The following AHRR variants were observed in gnomAD, a reference collection of about 807,000 sequenced individuals.
The protein encoded by AHRR is ahR repressor.
AHRR carries 28 observed loss-of-function variants against 44.0 expected under a neutral mutation model. The observed-to-expected ratio is 0.64, with a 90% CI of 0.47 to 0.87. The LOEUF (loss-of-function observed/expected upper bound fraction) is 0.87. AHRR is among the 40% of genes least tolerant of loss of function. The probability of loss-of-function intolerance (pLI) is 0.00; values close to 1 mark genes in which losing one functional copy is unlikely to be tolerated. For synonymous variants in AHRR, 434 were observed against 407.0 expected (o/e 1.07, Z -0.80); for missense variants, 990 against 953.9 (o/e 1.04, Z -0.50).
intron 5 of AHRR, chr5:418,936 T>TG: frequency 6.6e-6 from 1 of 152,466 alleles, no homozygotes; most frequent in East Asian, 1.9e-4. Context: ...ACCGCCTGAC[T>TG]GGGGGCACCA....
rs1322059054 is a variant in AHRR at position 393,497 on chromosome 5, G to A, written c.351+16781G>A. 3.3e-5 allele frequency among the ~76,000 whole-genome samples: 5 copies of A among 152,346 alleles called. No homozygotes were observed. In the East Asian group the frequency reaches 9.6e-4, roughly 29 times the overall value. On this transcript the variant is annotated intron_variant, in intron 4 of 10. Transcript: ENST00000684583. ...TGCGTGGACGGTAGCCAGGCTGCAC[G>A]CAGAGCTCCAGGCTGAAGCCTGTCC...
Position 385,461 on chromosome 5 carries a change from C to T in AHRR, c.351+8745C>T, listed in dbSNP as rs114422373. The stretch of plus-strand genomic sequence containing the variant: ...AAGTGCTAGGATTACAGGTATAAAC[C>T]ACCATGCCCAGCTTCGCCTCCATTT... On this transcript the variant is annotated intron_variant, in intron 4 of 10. Coordinates refer to ENST00000684583, the MANE Select transcript of AHRR (RefSeq NM_001377236.1). Among the ~76,000 whole-genome samples, 269 of 152,300 alleles carry T rather than the reference C, an allele frequency of 1.8e-3. 1 individual carries two copies. Among genetic ancestry groups the T allele is most frequent in the African/African-American group, 6.1e-3 (254 of 41,568 alleles).
At position 433,974 on chromosome 5, in the gene AHRR, G is replaced by C; in HGVS notation, c.1234G>C (p.Ala412Pro). The stretch of plus-strand genomic sequence containing the variant: ...AGCGGGAAAGCACAGTGAGGATGGT[G>C]CCAGGCCGAGGCTGCAGCCCAGCAA... ...WTAGKHSEDGARPRLQPSKND... is the reference protein window; with the variant it reads ...WTAGKHSEDGPRPRLQPSKND... Residue 412 changes from alanine (A) to proline (P), a missense_variant, in exon 11 of 11, where the codon GCC becomes CCC. Transcript: ENST00000684583. The C allele has an allele frequency of 6.4e-7, 1 of 1,567,274 alleles. No homozygotes were observed. The highest frequency in any genetic ancestry group is 8.6e-7 in the Non-Finnish European group (1 of 1,156,676).
At chr5:430,329 C>T (rs1227771335) in intron 8 of AHRR, among the ~76,000 whole-genome samples, 1 of 152,250 alleles carries the variant, frequency 6.6e-6, no homozygotes, top group Non-Finnish European at 1.5e-5. Flanking sequence ...GGCAGCACAT[C>T]TTCTGTATTC....
intron 4 of AHRR, among the ~76,000 whole-genome samples, chr5:399,684 T>C (rs1734927394): frequency 6.6e-6 from 1 of 152,186 alleles, no homozygotes; most frequent in Non-Finnish European, 1.5e-5. Flanking sequence ...GCGTCAGCAC[T>C]GGCTGGTCTC....
chr5:425,133 C>T (rs1736325272), intron 7 of AHRR, among the ~76,000 whole-genome samples: 1 of 152,244 alleles, frequency 6.6e-6, no homozygotes. Flanking sequence ...CCATGACCTC[C>T]TGGGGACCTT....
chr5:413,898 C>T (rs1735581941), intron 5 of AHRR, among the ~76,000 whole-genome samples: 1 of 152,200 alleles, frequency 6.6e-6, no homozygotes, highest in South Asian at 2.1e-4. Context: ...GACTTCCAGG[C>T]AGAGAATGGG....
At chr5:384,548 C>T (rs368177692) in intron 4 of AHRR, among the ~76,000 whole-genome samples, 16 of 152,134 alleles carry the variant, frequency 1.1e-4, no homozygotes, top group African/African-American at 2.9e-4. Flanking sequence ...CTCAGTCTCC[C>T]GAGTGGCTGG....
chr5:423,222 C>T (rs1471657689), intron 6 of AHRR, among the ~76,000 whole-genome samples: 1 of 152,220 alleles, frequency 6.6e-6, no homozygotes, highest in Non-Finnish European at 1.5e-5. Context: ...TTGCTTCATA[C>T]TAGAGTTATC....
At position 388,950 on chromosome 5, in the gene AHRR, C is replaced by T. The variant is rs955391832; in HGVS notation, c.351+12234C>T. Among the ~76,000 whole-genome samples, 2 of 152,116 alleles carry T rather than the reference C, an allele frequency of 1.3e-5. No homozygotes were observed. The highest frequency in any genetic ancestry group is 2.9e-5 in the Non-Finnish European group (2 of 68,014). ...GAGAAGATGGAGCCGAGTGAGGACC[C>T]AAGAGCAAAGGGCCCCAAGCAGTTG... On this transcript the variant is annotated intron_variant, in intron 4 of 10. Coordinates refer to ENST00000684583, the MANE Select transcript of AHRR (RefSeq NM_001377236.1). The surrounding 1 kb of genome is among the most constrained non-coding windows in gnomAD (Gnocchi z 5.2).
intron 3 of AHRR, among the ~76,000 whole-genome samples, chr5:374,504 C>T (rs952978357): frequency 6.6e-6 from 1 of 152,224 alleles, no homozygotes; most frequent in African/African-American, 2.4e-5. Flanking sequence ...GATGCCCCCA[C>T]CTCGGTGGAC....
intron 3 of AHRR, among the ~76,000 whole-genome samples, chr5:375,875 C>T (rs79659360): frequency 1.2e-3 from 180 of 152,312 alleles, no homozygotes; most frequent in African/African-American, 3.9e-3. Context: ...GGAAGGTGAA[C>T]GTGTCATCTG....
chr5:431,233 G>A lies in AHRR; in HGVS notation c.909-1230G>A, dbSNP rs533286837. On this transcript the variant is annotated intron_variant, in intron 8 of 10. Coordinates refer to ENST00000684583, the MANE Select transcript of AHRR (RefSeq NM_001377236.1). ...TGTGGGATCACAAGCTCAGGTGTGG[G>A]GCCGAAGGTCACAGCGCTCCTCCTG... Among the ~76,000 whole-genome samples, 5 of 152,348 alleles carry A rather than the reference G, an allele frequency of 3.3e-5. No individual in the cohort carries two copies. The South Asian group carries it at 1.0e-3, about 32-fold the overall frequency.
At chr5:365,625 A>G (rs988474938) in intron 3 of AHRR, among the ~76,000 whole-genome samples, 3 of 152,138 alleles carry the variant, frequency 2.0e-5, no homozygotes, top group Non-Finnish European at 2.9e-5. Flanking sequence ...AGAAACATAC[A>G]ACAGAGTTCT....
chr5:361,000 C>T (rs1743159316), intron 3 of AHRR, among the ~76,000 whole-genome samples: 1 of 152,100 alleles, frequency 6.6e-6, no homozygotes, highest in East Asian at 1.9e-4. Context: ...ACCTGTAATA[C>T]CAGCACTTTG....
chr5:330,451 G>A (rs1579584540), intron 1 of AHRR, among the ~76,000 whole-genome samples: 1 of 152,246 alleles, frequency 6.6e-6, no homozygotes, highest in East Asian at 1.9e-4. Context: ...TTGGCTCACT[G>A]TAACCTCTGC....
At chr5:421,539 C>T (rs1305797174) in intron 5 of AHRR, among the ~76,000 whole-genome samples, 3 of 152,206 alleles carry the variant, frequency 2.0e-5, no homozygotes, top group African/African-American at 4.8e-5. Context: ...CGCATTTTGG[C>T]CTAGGTTACC....
intron 2 of AHRR, among the ~76,000 whole-genome samples, chr5:349,530 A>G (rs990696325): frequency 5.9e-5 from 9 of 151,992 alleles, no homozygotes; most frequent in Non-Finnish European, 8.8e-5. Context: ...CAGTGAGCCA[A>G]GATCACGCCA....
At position 435,876 on chromosome 5, in the gene AHRR, T is replaced by G. The variant is rs1311028135; in HGVS notation, c.*1042T>G. The G allele has an allele frequency of 2.6e-5, 4 of 152,762 alleles. No homozygotes were observed. The highest frequency in any genetic ancestry group is 9.7e-5 in the African/African-American group (4 of 41,444). 9.5% of individuals were successfully genotyped at this position (152,762 alleles called of 1,614,324 possible). ...CGATATTTTCTGAGAGTAGGAAATT[T>G]GGATACAAAAGCATAAGTCAGAAAG... On this transcript the variant is annotated 3_prime_UTR_variant, in exon 11 of 11. Coordinates refer to ENST00000684583, the MANE Select transcript of AHRR (RefSeq NM_001377236.1).
Sources: allele counts gnomAD v4.1 joint callset (sites outside exome capture counted in the v4.1 genomes callset), GRCh38; gene constraint gnomAD v4.1.1; non-coding constraint Gnocchi (gnomAD v3.1); transcripts MANE v1.5; gene names NCBI Gene and HGNC (gene_info 2026-07-23, HGNC 2026-07-21).